The following SDK1 variants were observed in gnomAD, a reference collection of about 807,000 sequenced individuals.
SDK1 encodes the protein sidekick cell adhesion molecule 1, also known as protein sidekick-1.
SDK1 carries 157 observed loss-of-function variants against 245.5 expected under a neutral mutation model. The observed-to-expected ratio is 0.64, with a 90% CI of 0.56 to 0.73. The LOEUF is 0.73. Among genes scored for constraint, SDK1 ranks in the 30% least tolerant of loss-of-function variants. The pLI is 0.00. For synonymous variants in SDK1, 1,647 were observed against 1,278.5 expected (o/e 1.29, Z -6.15); for missense variants, 3,583 against 3,002.3 (o/e 1.19, Z -4.52).
chr7:3,626,988 C>T (rs1181072155), intron 2 of SDK1, among the ~76,000 whole-genome samples: 1 of 151,840 alleles, frequency 6.6e-6, no homozygotes, highest in African/African-American at 2.4e-5. Context: ...AGTACAGTGG[C>T]ACAGTCATAG....
intron 1 of SDK1, among the ~76,000 whole-genome samples, chr7:3,545,280 G>C (rs554794002): frequency 1.9e-4 from 29 of 152,128 alleles, no homozygotes; most frequent in Admixed American, 4.6e-4. Context: ...ATTGATGCAG[G>C]GGTCAGAAAA....
At chr7:3,863,535 C>T (rs978284183) in intron 5 of SDK1, among the ~76,000 whole-genome samples, 1 of 152,144 alleles carries the variant, frequency 6.6e-6, no homozygotes, top group Non-Finnish European at 1.5e-5. Context: ...AGAACTTTTC[C>T]ATCGTGCCAA....
At chr7:3,345,835 T>G (rs879071101) in intron 1 of SDK1, among the ~76,000 whole-genome samples, 5 of 152,202 alleles carry the variant, frequency 3.3e-5, no homozygotes, top group Admixed American at 6.5e-5. Context: ...GTTTGATCCT[T>G]TATGATGCAG....
intron 4 of SDK1, among the ~76,000 whole-genome samples, chr7:3,732,107 A>G (rs1424493421): frequency 6.6e-6 from 1 of 152,178 alleles, no homozygotes; most frequent in Non-Finnish European, 1.5e-5. Flanking sequence ...TATTTTTAAG[A>G]TGGAAGGGTG....
chr7:3,648,041 T>C (rs1196969249), intron 4 of SDK1, among the ~76,000 whole-genome samples: 2 of 152,216 alleles, frequency 1.3e-5, no homozygotes, highest in Non-Finnish European at 2.9e-5. Flanking sequence ...CCCATACATT[T>C]ATTTTTCTGA....
At chr7:4,122,518 C>T (rs1784133251) in intron 25 of SDK1, among the ~76,000 whole-genome samples, 1 of 152,190 alleles carries the variant, frequency 6.6e-6, no homozygotes, top group African/African-American at 2.4e-5. Flanking sequence ...GCAGAGAACA[C>T]ACAGCAGAAT....
chr7:4,126,742 G>T (rs1328110011), intron 25 of SDK1, among the ~76,000 whole-genome samples: 2 of 152,230 alleles, frequency 1.3e-5, no homozygotes, highest in Non-Finnish European at 2.9e-5. Context: ...GTCGAGAATG[G>T]CATGGCTGGC....
At chr7:3,661,508 T>G (rs1783354838) in intron 4 of SDK1, among the ~76,000 whole-genome samples, 1 of 152,198 alleles carries the variant, frequency 6.6e-6, no homozygotes, top group African/African-American at 2.4e-5. Flanking sequence ...AAGTTGTAAA[T>G]GCCCTGGATT....
At position 4,035,693 on chromosome 7, in the gene SDK1, A is replaced by C. The variant is rs947646405; in HGVS notation, c.2603-13655A>C. 3.3e-5 allele frequency among the ~76,000 whole-genome samples: 5 copies of C among 152,324 alleles called. No homozygotes were observed. The East Asian group carries it at 9.6e-4, about 29-fold the overall frequency. On this transcript the variant is annotated intron_variant, in intron 17 of 44. Coordinates refer to ENST00000404826, the MANE Select transcript of SDK1 (RefSeq NM_152744.4). ...TTAACCTAGTGGCACTGAGCTTCCT[A>C]GTAACAGAAAAATAGCAAGTTTCTT...
intron 1 of SDK1, among the ~76,000 whole-genome samples, chr7:3,592,215 A>T (rs1780899799): frequency 1.3e-5 from 2 of 152,220 alleles, no homozygotes. Flanking sequence ...GAATCACCCA[A>T]CAGTGTGAAA....
At chr7:3,419,948 C>A (rs553587897) in intron 1 of SDK1, among the ~76,000 whole-genome samples, 1 of 152,204 alleles carries the variant, frequency 6.6e-6, no homozygotes, top group East Asian at 1.9e-4. Context: ...TAGAGATGTA[C>A]CAGTGGCTCA....
At chr7:3,579,626 C>T (rs940720031) in intron 1 of SDK1, among the ~76,000 whole-genome samples, 1 of 152,118 alleles carries the variant, frequency 6.6e-6, no homozygotes, top group African/African-American at 2.4e-5. Flanking sequence ...GACAAGGATG[C>T]CCTCTCTCAC....
intron 4 of SDK1, among the ~76,000 whole-genome samples, chr7:3,736,419 A>C (rs1779319214): frequency 6.6e-6 from 1 of 152,132 alleles, no homozygotes; most frequent in African/African-American, 2.4e-5. Context: ...CAGCCTCCCA[A>C]GTAGCTGCCA....
chr7:3,385,150 T>A (rs117984217), intron 1 of SDK1, among the ~76,000 whole-genome samples: 1 of 152,192 alleles, frequency 6.6e-6, no homozygotes, highest in Non-Finnish European at 1.5e-5. Flanking sequence ...TCTACCACTT[T>A]CCACTCACGT....
At chr7:3,496,186 G>A (rs1380713942) in intron 1 of SDK1, among the ~76,000 whole-genome samples, 1 of 152,120 alleles carries the variant, frequency 6.6e-6, no homozygotes, top group Non-Finnish European at 1.5e-5. Context: ...TCATTGAAAT[G>A]AGGCTAGCAG....
chr7:3,610,781 C>T (rs188960937), intron 1 of SDK1, among the ~76,000 whole-genome samples: 46 of 152,300 alleles, frequency 3.0e-4, no homozygotes, highest in African/African-American at 1.1e-3. Context: ...AGTTTGACTT[C>T]CCCACTGGCT....
At chr7:3,806,334 CCACATTAGGATGTGGAT>C (rs1562456980) in intron 4 of SDK1, among the ~76,000 whole-genome samples, 14 of 130,678 alleles carry the variant, frequency 1.1e-4, no homozygotes, top group African/African-American at 5.6e-4. Flanking sequence ...ATGTGGATGT[CCACATTAGGATGTGGAT>C]GTCCACATTA....
chr7:4,226,103 G>A (rs939696753), intron 40 of SDK1, among the ~76,000 whole-genome samples: 21 of 152,248 alleles, frequency 1.4e-4, no homozygotes, highest in African/African-American at 5.1e-4. Flanking sequence ...TCCATTACAG[G>A]CCTCATTACA....
chr7:4,146,953 CA>C (rs1392179043), intron 29 of SDK1, among the ~76,000 whole-genome samples: 1 of 152,226 alleles, frequency 6.6e-6, no homozygotes, highest in Non-Finnish European at 1.5e-5. Flanking sequence ...CGACTCTTCC[CA>C]TGAAAGTCTA....
Sources: gnomAD v4.1 joint callset for allele counts (sites outside exome capture counted in the v4.1 genomes callset) on GRCh38, gnomAD v4.1.1 for gene constraint, MANE v1.5 for transcripts, NCBI Gene and HGNC (gene_info 2026-07-23, HGNC 2026-07-21) for gene names.